MDGA2: variants seen among roughly 807,000 people sequenced by gnomAD.
The protein encoded by MDGA2 is MAM domain containing glycosylphosphatidylinositol anchor 2, also known as MAM domain-containing glycosylphosphatidylinositol anchor protein 2.
MDGA2 carries 40 observed loss-of-function variants against 117.8 expected under a neutral mutation model. The ratio of observed to expected loss-of-function variants is 0.34; its 90% CI spans 0.26 to 0.44. MDGA2 has a LOEUF of 0.44. Ranked by LOEUF, MDGA2 falls within the 20% of genes least tolerant of loss-of-function variation. The pLI, the probability that MDGA2 is intolerant of heterozygous loss-of-function variation, is 1.00. For synonymous variants in MDGA2, 452 were observed against 439.0 expected (o/e 1.03, Z -0.37); for missense variants, 1,123 against 1,250.6 (o/e 0.90, Z 1.54).
intron 1 of MDGA2, among the ~76,000 whole-genome samples, chr14:47,621,055 G>T (rs919554417): frequency 2.6e-5 from 4 of 152,046 alleles, no homozygotes; most frequent in Admixed American, 2.0e-4. Context: ...TTGAAATTTT[G>T]GTCACCCTCC....
chr14:47,440,411 T>C (rs1289285448), intron 1 of MDGA2, among the ~76,000 whole-genome samples: 3 of 152,138 alleles, frequency 2.0e-5, no homozygotes, highest in East Asian at 1.9e-4. Context: ...TCCTCACTCA[T>C]GGGAATGCTT....
At chr14:47,532,233 A>C (rs1895115646) in intron 1 of MDGA2, among the ~76,000 whole-genome samples, 1 of 152,226 alleles carries the variant, frequency 6.6e-6, no homozygotes, top group Non-Finnish European at 1.5e-5. Flanking sequence ...TTACGATTGC[A>C]GTCATTAGCA....
At chr14:46,965,198 C>G (rs1420419258) in intron 8 of MDGA2, among the ~76,000 whole-genome samples, 1 of 151,270 alleles carries the variant, frequency 6.6e-6, no homozygotes, top group Non-Finnish European at 1.5e-5. Context: ...GCTGGGATTA[C>G]AGGCGCGAGC....
intron 1 of MDGA2, among the ~76,000 whole-genome samples, chr14:47,484,290 G>A (rs1399187313): frequency 6.6e-6 from 1 of 152,110 alleles, no homozygotes; most frequent in Non-Finnish European, 1.5e-5. Context: ...ACAACTAGAT[G>A]TGAAATACAT....
chr14:47,001,278 T>C (rs1486256747), intron 8 of MDGA2, among the ~76,000 whole-genome samples: 1 of 151,888 alleles, frequency 6.6e-6, no homozygotes, highest in Non-Finnish European at 1.5e-5. Context: ...ATTGAAGGAA[T>C]GGAAGAAAAT....
In MDGA2 at chr14:47,218,176, G is replaced by A. The variant is rs1387331323; in HGVS notation, c.440C>T (p.Ala147Val). Residue 147 changes from alanine to valine, a missense_variant, in exon 3 of 17, where the codon GCA (alanine) becomes GTA (valine). This residue lies in a region of MDGA2 where 233 missense variants were observed against 200.3 expected (regional missense o/e 1.16). Coordinates refer to ENST00000399232, the MANE Select transcript of MDGA2 (RefSeq NM_001113498.3). ...PRPQIRWTKT[A>V]GSASDRFQDS... is the part of the protein sequence containing the mutation. ...TTGGAATCTGTCAGAGGCACTTCCT[G>A]CTGTTTTGGTCCACCTGATCTGAGC... The A allele has an allele frequency of 1.9e-6, 3 of 1,548,166 alleles. No individual in the cohort carries two copies. Among genetic ancestry groups the A allele is most frequent in the Non-Finnish European group, 2.6e-6 (3 of 1,145,136 alleles).
At chr14:47,508,522 T>C (rs767700104) in intron 1 of MDGA2, among the ~76,000 whole-genome samples, 3 of 152,220 alleles carry the variant, frequency 2.0e-5, no homozygotes, top group East Asian at 1.9e-4. Flanking sequence ...GAAAGGTTAT[T>C]TGTTGCTGTT....
chr14:46,958,822 G>A (rs1374755364), intron 8 of MDGA2, among the ~76,000 whole-genome samples: 31 of 152,112 alleles, frequency 2.0e-4, no homozygotes, highest in Admixed American at 2.0e-3. Context: ...TAGTCCACAT[G>A]TTTTCAATCC....
intron 9 of MDGA2, among the ~76,000 whole-genome samples, chr14:46,947,885 C>T (rs1397895792): frequency 6.6e-6 from 1 of 151,366 alleles, no homozygotes; most frequent in Non-Finnish European, 1.5e-5. Context: ...TTTATTTCTG[C>T]ATTTGGTCTT....
intron 3 of MDGA2, among the ~76,000 whole-genome samples, chr14:47,157,414 T>C (rs1005453676): frequency 2.6e-5 from 4 of 152,214 alleles, no homozygotes; most frequent in Non-Finnish European, 4.4e-5. Context: ...GTTTTATATA[T>C]CTTTGCTAAT....
intron 1 of MDGA2, among the ~76,000 whole-genome samples, chr14:47,486,570 T>A (rs1174031964): frequency 6.6e-6 from 1 of 152,110 alleles, no homozygotes; most frequent in Admixed American, 6.6e-5. Context: ...AGGGGCAGAA[T>A]TATATGGTTT....
intron 1 of MDGA2, among the ~76,000 whole-genome samples, chr14:47,554,964 GCAAATAAGTT>G (rs2138785587): frequency 6.6e-6 from 1 of 152,220 alleles, no homozygotes; most frequent in East Asian, 1.9e-4. Flanking sequence ...GTCCAGACAA[GCAAATAAGTT>G]CAACTAAGCC....
intron 6 of MDGA2, among the ~76,000 whole-genome samples, chr14:47,073,181 G>A (rs1457514788): frequency 2.6e-5 from 4 of 152,200 alleles, no homozygotes; most frequent in African/African-American, 9.6e-5. Flanking sequence ...CAACTATCAT[G>A]AGGGAATATC....
chr14:47,106,179 G>C (rs1217362861), intron 5 of MDGA2, among the ~76,000 whole-genome samples: 1 of 151,934 alleles, frequency 6.6e-6, no homozygotes, highest in Non-Finnish European at 1.5e-5. Context: ...GACCCTAAAA[G>C]GTCAAAAGGC....
chr14:46,889,490 G>A (rs1882797722), intron 10 of MDGA2, among the ~76,000 whole-genome samples: 1 of 151,998 alleles, frequency 6.6e-6, no homozygotes, highest in Non-Finnish European at 1.5e-5. Context: ...TGGTATAGGA[G>A]AGAATACTTC....
intron 11 of MDGA2, among the ~76,000 whole-genome samples, chr14:46,881,182 A>AT (rs945956194): frequency 2.0e-4 from 30 of 152,146 alleles, no homozygotes; most frequent in African/African-American, 6.8e-4. Context: ...TTATTCAATG[A>AT]TAAAAAGAAA....
intron 1 of MDGA2, among the ~76,000 whole-genome samples, chr14:47,337,288 C>T (rs964132508): frequency 6.6e-6 from 1 of 151,790 alleles, no homozygotes; most frequent in Non-Finnish European, 1.5e-5. Context: ...TTGTAAAGAC[C>T]CTTCAGTAAC....
chr14:47,631,707 C>A (rs1373064979), intron 1 of MDGA2, among the ~76,000 whole-genome samples: 3 of 152,168 alleles, frequency 2.0e-5, no homozygotes, highest in Non-Finnish European at 1.5e-5. Context: ...TGCTGCAACA[C>A]TGCACTTTCC....
chr14:47,613,047 C>T (rs1896881434), intron 1 of MDGA2, among the ~76,000 whole-genome samples: 1 of 152,168 alleles, frequency 6.6e-6, no homozygotes, highest in Non-Finnish European at 1.5e-5. Context: ...AAGCCGTTCA[C>T]ATTGAGTTTT....
Sources: gnomAD v4.1 joint callset for allele counts (sites outside exome capture counted in the v4.1 genomes callset) on GRCh38, gnomAD v4.1.1 for gene constraint, gnomAD v4.1.1 regional missense constraint, MANE v1.5 for transcripts, NCBI Gene and HGNC (gene_info 2026-07-23, HGNC 2026-07-21) for gene names.